The following CTNNA2 variants were observed in gnomAD, a reference collection of about 807,000 sequenced individuals.
The protein encoded by CTNNA2 is catenin alpha 2.
CTNNA2 carries 42 observed loss-of-function variants against 101.0 expected under a neutral mutation model. The ratio of observed to expected loss-of-function variants is 0.42; its 90% CI spans 0.32 to 0.54. CTNNA2 has a LOEUF of 0.54. Ranked by LOEUF, CTNNA2 falls within the 20% of genes least tolerant of loss-of-function variation. CTNNA2 has a pLI of 0.14. For synonymous variants in CTNNA2, 450 were observed against 456.4 expected (o/e 0.99, Z 0.18); for missense variants, 871 against 1,223.1 (o/e 0.71, Z 4.29).
intron 1 of CTNNA2, among the ~76,000 whole-genome samples, chr2:79,533,454 A>G (rs112545758): frequency 1.3e-5 from 2 of 152,152 alleles, no homozygotes; most frequent in African/African-American, 4.8e-5. Context: ...GGAAATATCA[A>G]TTTTACAGTA....
At chr2:79,834,365 T>G (rs1465524166) in intron 3 of CTNNA2, among the ~76,000 whole-genome samples, 2 of 152,142 alleles carry the variant, frequency 1.3e-5, no homozygotes, top group African/African-American at 2.4e-5. Context: ...TCTGAAGTAG[T>G]TGTAACCATG....
Position 80,302,784 on chromosome 2 carries a change from C to T in CTNNA2, c.1057-90427C>T. On this transcript the variant is annotated intron_variant, in intron 7 of 18. Transcript: ENST00000402739. This position sits in a 1 kb window ranked among gnomAD's most constrained non-coding sequence, Gnocchi z 6.4. Reference sequence around the variant, plus strand: ...AGGACGTCCTCGCCCTGTGCGTACTCCGGGCTGGCGCACTGCAAGTTGCCA... The same window carrying T: ...AGGACGTCCTCGCCCTGTGCGTACTTCGGGCTGGCGCACTGCAAGTTGCCA... 6.2e-7 allele frequency: 1 copy of T among 1,613,446 alleles called. No individual in the cohort carries two copies. The highest frequency in any genetic ancestry group is 8.5e-7 in the Non-Finnish European group (1 of 1,179,874).
chr2:79,429,176 TG>T (rs2104508691), intron 4 of CTNNA2, among the ~76,000 whole-genome samples: 2 of 152,268 alleles, frequency 1.3e-5, no homozygotes, highest in East Asian at 3.9e-4. Flanking sequence ...TATTTCATTG[TG>T]TACACAATTA....
chr2:79,829,693 C>CTTATTTATTTAT (rs144686881), intron 3 of CTNNA2, among the ~76,000 whole-genome samples: 99 of 144,614 alleles, frequency 6.8e-4, no homozygotes, highest in East Asian at 4.4e-3. Flanking sequence ...CTTTTTCTTT[C>CTTATTTATTTAT]TTATTTATTT....
At chr2:79,644,601 G>T (rs1243052444) in intron 1 of CTNNA2, among the ~76,000 whole-genome samples, 1 of 152,142 alleles carries the variant, frequency 6.6e-6, no homozygotes, top group African/African-American at 2.4e-5. Flanking sequence ...AGCTGGCCCA[G>T]CTTTACAGCC....
intron 2 of CTNNA2, among the ~76,000 whole-genome samples, chr2:79,248,554 T>C (rs575697566): frequency 1.3e-5 from 2 of 152,162 alleles, no homozygotes; most frequent in South Asian, 4.1e-4. Context: ...TATTGAGGAG[T>C]GCAGGCCTAG....
intron 13 of CTNNA2, among the ~76,000 whole-genome samples, chr2:80,577,282 G>A (rs1038414398): frequency 8.5e-5 from 13 of 152,090 alleles, no homozygotes; most frequent in South Asian, 4.1e-4. Flanking sequence ...GAAAACCAAA[G>A]TATCCTAAAG....
chr2:79,424,871 T>C (rs1448086668), intron 4 of CTNNA2, among the ~76,000 whole-genome samples: 1 of 152,182 alleles, frequency 6.6e-6, no homozygotes, highest in Non-Finnish European at 1.5e-5. Flanking sequence ...ATTTATTTAA[T>C]GTAGGTATAA....
chr2:80,312,002 T>A (rs1677636325), intron 7 of CTNNA2, among the ~76,000 whole-genome samples: 1 of 152,250 alleles, frequency 6.6e-6, no homozygotes. Context: ...GGGGGATACC[T>A]AGACAACTAC....
chr2:79,234,746 A>G (rs1396106693), intron 2 of CTNNA2, among the ~76,000 whole-genome samples: 1 of 151,922 alleles, frequency 6.6e-6, no homozygotes, highest in Non-Finnish European at 1.5e-5. Flanking sequence ...TTTTTTCCTT[A>G]TATTTGTATG....
intron 7 of CTNNA2, among the ~76,000 whole-genome samples, chr2:80,293,483 G>A (rs984292293): frequency 1.3e-5 from 2 of 152,174 alleles, no homozygotes; most frequent in Non-Finnish European, 2.9e-5. Flanking sequence ...CTTTATCCTG[G>A]CTTTACTTTA....
chr2:79,896,019 A>T (rs1323217363), intron 6 of CTNNA2, among the ~76,000 whole-genome samples: 1 of 152,064 alleles, frequency 6.6e-6, no homozygotes, highest in East Asian at 1.9e-4. Context: ...GTGGTGGTTC[A>T]TGCCCATAAT....
intron 9 of CTNNA2, among the ~76,000 whole-genome samples, chr2:80,436,131 C>T (rs754234102): frequency 2.0e-5 from 3 of 152,160 alleles, no homozygotes; most frequent in South Asian, 2.1e-4. Flanking sequence ...CCTAGAGTCA[C>T]GGTCATCGAC....
chr2:79,443,085 T>C (rs1678794086), intron 4 of CTNNA2, among the ~76,000 whole-genome samples: 1 of 152,080 alleles, frequency 6.6e-6, no homozygotes, highest in Non-Finnish European at 1.5e-5. Context: ...CTCCTCTAAT[T>C]TGCATAATAA....
chr2:80,218,406 A>G (rs968606080), intron 7 of CTNNA2, among the ~76,000 whole-genome samples: 3 of 152,256 alleles, frequency 2.0e-5, no homozygotes, highest in Non-Finnish European at 4.4e-5. Context: ...TTATGGATTC[A>G]TGAAAAGACC....
chr2:79,261,749 C>T (rs563376368), intron 2 of CTNNA2, among the ~76,000 whole-genome samples: 1 of 152,312 alleles, frequency 6.6e-6, no homozygotes, highest in African/African-American at 2.4e-5. Flanking sequence ...GCTCCATCTC[C>T]AAATGCAGTC....
At chr2:80,433,946 T>A (rs969136414) in intron 9 of CTNNA2, among the ~76,000 whole-genome samples, 1 of 152,228 alleles carries the variant, frequency 6.6e-6, no homozygotes, top group African/African-American at 2.4e-5. Flanking sequence ...ATTACTTTTC[T>A]CAAGATGAAA....
intron 4 of CTNNA2, among the ~76,000 whole-genome samples, chr2:79,405,236 G>C (rs1678329108): frequency 6.6e-6 from 1 of 152,074 alleles, no homozygotes; most frequent in African/African-American, 2.4e-5. Flanking sequence ...ATAACCACAA[G>C]AAAATGAATT....
chr2:79,673,314 G>A (rs951568895), intron 2 of CTNNA2, among the ~76,000 whole-genome samples: 6 of 151,734 alleles, frequency 4.0e-5, no homozygotes, highest in African/African-American at 1.5e-4. Context: ...TGGGGGGCGG[G>A]GGTGAAAACA....
Sources: gnomAD v4.1 joint callset for allele counts (sites outside exome capture counted in the v4.1 genomes callset) on GRCh38, gnomAD v4.1.1 for gene constraint, Gnocchi (gnomAD v3.1) non-coding constraint, MANE v1.5 for transcripts, NCBI Gene and HGNC (gene_info 2026-07-23, HGNC 2026-07-21) for gene names.